Variants in MAN1A2 observed in about 807,000 individuals in gnomAD.
MAN1A2 encodes mannosyl-oligosaccharide 1,2-alpha-mannosidase IB.
MAN1A2 carries 26 observed loss-of-function variants against 75.7 expected under a neutral mutation model. The ratio of observed to expected loss-of-function variants is 0.34; its 90% CI spans 0.25 to 0.48. The LOEUF (loss-of-function observed/expected upper bound fraction) is 0.48. Ranked by LOEUF, MAN1A2 falls within the 20% of genes least tolerant of loss-of-function variation. The pLI is 0.99. For missense variants in MAN1A2, 562 were observed against 775.5 expected (o/e 0.72, Z 3.27); for synonymous variants, 247 against 264.6 (o/e 0.93, Z 0.65).
At chr1:117,479,256 TC>T (rs1237207148) in intron 8 of MAN1A2, among the ~76,000 whole-genome samples, 5 of 151,982 alleles carry the variant, frequency 3.3e-5, no homozygotes, top group Admixed American at 3.3e-4. Flanking sequence ...TCCAGCCATG[TC>T]CCTGCAAAGG....
At chr1:117,425,007 C>G (rs1648317190) in intron 5 of MAN1A2, among the ~76,000 whole-genome samples, 1 of 151,602 alleles carries the variant, frequency 6.6e-6, no homozygotes, top group Non-Finnish European at 1.5e-5. Flanking sequence ...AGATAGCCAC[C>G]TTCATATATT....
intron 3 of MAN1A2, among the ~76,000 whole-genome samples, chr1:117,407,860 T>G (rs1389198628): frequency 6.6e-6 from 1 of 152,186 alleles, no homozygotes; most frequent in Non-Finnish European, 1.5e-5. Flanking sequence ...GCTTCATATC[T>G]TCATACTACC....
At chr1:117,494,182 A>G (rs1161588945) in intron 9 of MAN1A2, 1 of 152,094 alleles carries the variant, frequency 6.6e-6, no homozygotes, top group Non-Finnish European at 1.5e-5. Context: ...TAACCACTGT[A>G]TTATATTGTT....
intron 11 of MAN1A2, among the ~76,000 whole-genome samples, chr1:117,500,473 C>A (rs1470645662): frequency 2.0e-5 from 3 of 151,806 alleles, no homozygotes; most frequent in African/African-American, 7.3e-5. Context: ...CTCCTGAAGG[C>A]TTTTTTCAGT....
intron 1 of MAN1A2, among the ~76,000 whole-genome samples, chr1:117,379,217 G>A (rs1390407824): frequency 6.6e-6 from 1 of 151,936 alleles, no homozygotes; most frequent in Non-Finnish European, 1.5e-5. Flanking sequence ...AGTTGTCCCT[G>A]TGTGACTTAT....
At chr1:117,457,798 G>T (rs1649653011) in intron 6 of MAN1A2, among the ~76,000 whole-genome samples, 1 of 152,042 alleles carries the variant, frequency 6.6e-6, no homozygotes, top group African/African-American at 2.4e-5. Flanking sequence ...CACACTTAAA[G>T]ACTAAAATTT....
At chr1:117,447,577 G>T (rs1463827915) in intron 6 of MAN1A2, among the ~76,000 whole-genome samples, 1 of 152,098 alleles carries the variant, frequency 6.6e-6, no homozygotes, top group Admixed American at 6.5e-5. Context: ...TAATAAGTGT[G>T]TGAGAATGGC....
intron 5 of MAN1A2, among the ~76,000 whole-genome samples, chr1:117,429,790 G>A (rs1417828532): frequency 1.9e-5 from 2 of 105,150 alleles, no homozygotes; most frequent in African/African-American, 3.7e-5. Flanking sequence ...CGGACGGGGC[G>A]GCTGGCCGGG....
intron 5 of MAN1A2, among the ~76,000 whole-genome samples, chr1:117,435,625 G>A (rs1648822992): frequency 1.3e-5 from 2 of 152,110 alleles, no homozygotes; most frequent in Non-Finnish European, 1.5e-5. Flanking sequence ...TTAATTGTAT[G>A]TTATGTATAG....
chr1:117,507,618 C>T (rs926360219), intron 12 of MAN1A2, among the ~76,000 whole-genome samples: 2 of 151,566 alleles, frequency 1.3e-5, no homozygotes, highest in African/African-American at 2.4e-5. Flanking sequence ...TATTTTGAGA[C>T]AAGAATTAGT....
At chr1:117,492,352 G>A (rs556267382) in intron 8 of MAN1A2, among the ~76,000 whole-genome samples, 3 of 152,056 alleles carry the variant, frequency 2.0e-5, no homozygotes, top group African/African-American at 7.2e-5. Context: ...TCAAAAAAGA[G>A]TATGACTTGC....
At chr1:117,459,352 G>A (rs902127674) in intron 6 of MAN1A2, among the ~76,000 whole-genome samples, 1 of 152,170 alleles carries the variant, frequency 6.6e-6, no homozygotes, top group African/African-American at 2.4e-5. Context: ...AAACCCAGCA[G>A]AAAATAGCAG....
intron 12 of MAN1A2, among the ~76,000 whole-genome samples, chr1:117,521,744 A>G (rs1025361907): frequency 2.0e-5 from 3 of 151,972 alleles, no homozygotes; most frequent in Non-Finnish European, 2.9e-5. Context: ...ATAGCAGCAC[A>G]GTTCACCATT....
chr1:117,491,281 C>T (rs1458096692), intron 8 of MAN1A2, among the ~76,000 whole-genome samples: 1 of 152,022 alleles, frequency 6.6e-6, no homozygotes, highest in Non-Finnish European at 1.5e-5. Flanking sequence ...GCTAATGCAG[C>T]TGTTGATTTT....
chr1:117,401,753 G>C (rs1647436871), intron 1 of MAN1A2, among the ~76,000 whole-genome samples: 1 of 152,154 alleles, frequency 6.6e-6, no homozygotes, highest in African/African-American at 2.4e-5. Flanking sequence ...AAAGGTTTTA[G>C]AAGCATATGC....
intron 1 of MAN1A2, among the ~76,000 whole-genome samples, chr1:117,401,600 C>A (rs946317890): frequency 6.6e-6 from 1 of 152,080 alleles, no homozygotes; most frequent in South Asian, 2.1e-4. Context: ...CTGAGGAGCT[C>A]TTCATGATAC....
At chr1:117,433,851 A>G (rs12141030) in intron 5 of MAN1A2, among the ~76,000 whole-genome samples, 25,221 of 152,052 alleles carry the variant, frequency 0.17, 2,571 homozygotes, top group African/African-American at 0.26. Context: ...ATTCCCCACC[A>G]TCTCCTGTCT....
chr1:117,413,290 T>C (rs868727501), intron 3 of MAN1A2, among the ~76,000 whole-genome samples: 2 of 151,960 alleles, frequency 1.3e-5, no homozygotes, highest in Middle Eastern at 3.4e-3. Flanking sequence ...GAAGAAATTA[T>C]TAGGAACACA....
chr1:117,402,913 T>G (rs1647488805), intron 2 of MAN1A2, among the ~76,000 whole-genome samples: 1 of 152,092 alleles, frequency 6.6e-6, no homozygotes, highest in Non-Finnish European at 1.5e-5. Flanking sequence ...AACACATTCC[T>G]TCCAAAAAGT....
Sources: gnomAD v4.1 joint callset for allele counts (sites outside exome capture counted in the v4.1 genomes callset) on GRCh38, gnomAD v4.1.1 for gene constraint, MANE v1.5 for transcripts, NCBI Gene and HGNC (gene_info 2026-07-23, HGNC 2026-07-21) for gene names.